Variants in LPP observed in about 807,000 individuals in gnomAD.
The protein encoded by LPP is LIM domain containing preferred translocation partner in lipoma, also known as lipoma-preferred partner.
A neutral mutation model predicts 60.4 loss-of-function variants in LPP; 38 were observed. The observed-to-expected ratio is 0.63, with a 90% confidence interval of 0.49 to 0.83. The LOEUF is 0.83. Among genes scored for constraint, LPP ranks in the 40% least tolerant of loss-of-function variants. The probability of loss-of-function intolerance (pLI) is 0.00; values close to 1 mark genes in which losing one functional copy is unlikely to be tolerated. For synonymous variants in LPP, 328 were observed against 290.8 expected (o/e 1.13, Z -1.30); for missense variants, 902 against 783.6 (o/e 1.15, Z -1.80).
At chr3:188,252,718 C>T (rs560504977) in intron 2 of LPP, among the ~76,000 whole-genome samples, 2 of 152,210 alleles carry the variant, frequency 1.3e-5, no homozygotes, top group Admixed American at 6.5e-5. Context: ...CATATGTATT[C>T]ATTTTGTGAG....
intron 7 of LPP, among the ~76,000 whole-genome samples, chr3:188,659,048 A>C (rs1853988769): frequency 6.6e-6 from 1 of 152,242 alleles, no homozygotes; most frequent in Non-Finnish European, 1.5e-5. Flanking sequence ...CCTCCCCTGC[A>C]TCTCAACTTT....
chr3:188,847,408 T>C (rs1251115282), intron 9 of LPP, among the ~76,000 whole-genome samples: 1 of 152,210 alleles, frequency 6.6e-6, no homozygotes, highest in East Asian at 1.9e-4. Flanking sequence ...AAGAAGACTC[T>C]CAGGTTGTAA....
intron 6 of LPP, among the ~76,000 whole-genome samples, chr3:188,586,698 G>T (rs529138040): frequency 1.3e-5 from 2 of 151,142 alleles, no homozygotes; most frequent in African/African-American, 4.9e-5. Flanking sequence ...TCCCCTCCTC[G>T]TAGGTATTTT....
At chr3:188,639,162 A>T (rs1560686919) in intron 7 of LPP, among the ~76,000 whole-genome samples, 2 of 152,206 alleles carry the variant, frequency 1.3e-5, no homozygotes, top group African/African-American at 4.8e-5. Context: ...TGGTACCAAA[A>T]CAGTGATATA....
intron 7 of LPP, among the ~76,000 whole-genome samples, chr3:188,681,283 C>G (rs568368123): frequency 6.6e-6 from 1 of 152,112 alleles, no homozygotes; most frequent in African/African-American, 2.4e-5. Flanking sequence ...CGTGAGCCAC[C>G]GCACCCGGCC....
rs71634069 is a variant in LPP, at chr3:188,232,504, A to ATTT, written c.-67+6998_-67+7000dup. ...CAGATGCATGCCATCACACCCGGCT[A>ATTT]TTTTTTTTTTTTTTTTTTTTTTTGT... On this transcript the variant is annotated intron_variant, in intron 2 of 11. Coordinates refer to ENST00000617246, the MANE Select transcript of LPP (RefSeq NM_001375462.1). Among the ~76,000 whole-genome samples, 785 of 103,128 alleles carry ATTT rather than the reference A, an allele frequency of 7.6e-3. 29 individuals carry two copies. Among genetic ancestry groups the ATTT allele is most frequent in the African/African-American group, 0.025 (705 of 28,020 alleles). 67.7% of individuals were successfully genotyped at this position (103,128 alleles called of 152,430 possible).
intron 2 of LPP, among the ~76,000 whole-genome samples, chr3:188,333,760 T>C (rs1478297478): frequency 6.6e-6 from 1 of 152,238 alleles, no homozygotes; most frequent in Non-Finnish European, 1.5e-5. Context: ...AACACATAAT[T>C]GTACATGTTT....
chr3:188,653,055 G>T (rs1393174570), intron 7 of LPP, among the ~76,000 whole-genome samples: 2 of 152,178 alleles, frequency 1.3e-5, no homozygotes, highest in African/African-American at 4.8e-5. Flanking sequence ...GCCAATTCTT[G>T]CCTCAAGAAG....
At chr3:188,458,195 A>T (rs1798202449) in intron 4 of LPP, among the ~76,000 whole-genome samples, 1 of 152,142 alleles carries the variant, frequency 6.6e-6, no homozygotes, top group Non-Finnish European at 1.5e-5. Flanking sequence ...TTCTGAAGAG[A>T]TAATTGAAGG....
chr3:188,379,768 T>C (rs565958167), intron 3 of LPP, among the ~76,000 whole-genome samples: 3 of 152,340 alleles, frequency 2.0e-5, no homozygotes, highest in Admixed American at 2.0e-4. Context: ...GCATGATAAG[T>C]AGGCTTTTGA....
At chr3:188,804,574 T>C (rs1410399212) in intron 9 of LPP, among the ~76,000 whole-genome samples, 7 of 151,966 alleles carry the variant, frequency 4.6e-5, no homozygotes, top group African/African-American at 1.7e-4. Flanking sequence ...ACACAATATA[T>C]GCATGTGAGA....
In LPP at chr3:188,238,020, G is replaced by A. The variant is rs115027461; in HGVS notation, c.-67+12493G>A. Reference sequence around the variant, plus strand: ...AATCTGTTGTTTAGTATTTACCTTCGTCAGTGATCTTAGCTTGATCTTCTG... The same window carrying A: ...AATCTGTTGTTTAGTATTTACCTTCATCAGTGATCTTAGCTTGATCTTCTG... On this transcript the variant is annotated intron_variant, in intron 2 of 11. Transcript: ENST00000617246. Among the ~76,000 whole-genome samples the A allele has an allele frequency of 2.0e-3, 307 of 152,282 alleles. 3 individuals carry two copies. Among genetic ancestry groups the A allele is most frequent in the African/African-American group, 7.1e-3 (295 of 41,564 alleles).
intron 9 of LPP, among the ~76,000 whole-genome samples, chr3:188,835,619 C>CA (rs1405582014): frequency 3.3e-4 from 50 of 150,018 alleles, no homozygotes; most frequent in South Asian, 4.2e-4. Flanking sequence ...GCTCCATCTC[C>CA]AAAAAAAATA....
chr3:188,673,958 AC>A (rs963541516), intron 7 of LPP, among the ~76,000 whole-genome samples: 2 of 150,664 alleles, frequency 1.3e-5, no homozygotes, highest in African/African-American at 4.9e-5. Context: ...GATGAAATAT[AC>A]CCCCTGGGTC....
At chr3:188,320,953 A>G (rs1756759974) in intron 2 of LPP, among the ~76,000 whole-genome samples, 1 of 152,184 alleles carries the variant, frequency 6.6e-6, no homozygotes, top group African/African-American at 2.4e-5. Flanking sequence ...CAGTGTGAGT[A>G]AGCTGTCATA....
At chr3:188,554,535 G>T (rs997281394) in intron 6 of LPP, among the ~76,000 whole-genome samples, 1 of 152,192 alleles carries the variant, frequency 6.6e-6, no homozygotes, top group Non-Finnish European at 1.5e-5. Flanking sequence ...GTTTGCAGCA[G>T]ATCAGTGGCT....
At chr3:188,158,514 A>AGC (rs1209478917) in intron 1 of LPP, among the ~76,000 whole-genome samples, 1 of 152,196 alleles carries the variant, frequency 6.6e-6, no homozygotes, top group Non-Finnish European at 1.5e-5. Context: ...GTGGATAGGT[A>AGC]GCTGTAGGTA....
At chr3:188,653,204 G>A (rs1852443214) in intron 7 of LPP, among the ~76,000 whole-genome samples, 1 of 152,206 alleles carries the variant, frequency 6.6e-6, no homozygotes, top group African/African-American at 2.4e-5. Context: ...AGCTCTGGAT[G>A]TTGAGCACCT....
intron 9 of LPP, among the ~76,000 whole-genome samples, chr3:188,863,593 G>A (rs1190085044): frequency 6.6e-6 from 1 of 152,192 alleles, no homozygotes; most frequent in African/African-American, 2.4e-5. Context: ...ACTGAAAGGG[G>A]AAGATTGCAG....
Sources: gnomAD v4.1 joint callset for allele counts (sites outside exome capture counted in the v4.1 genomes callset) on GRCh38, gnomAD v4.1.1 for gene constraint, MANE v1.5 for transcripts, NCBI Gene and HGNC (gene_info 2026-07-23, HGNC 2026-07-21) for gene names.